PRCP: variants seen among roughly 807,000 people sequenced by gnomAD.
The protein encoded by PRCP is lysosomal Pro-X carboxypeptidase.
In PRCP, 46 loss-of-function variants were observed where a neutral mutation model predicts 54.2. That is an observed-to-expected ratio of 0.85 (90% CI 0.67 to 1.09). The LOEUF is 1.09. Among genes scored for constraint, PRCP ranks in the 50% least tolerant of loss-of-function variants. The pLI is 0.00. For missense variants in PRCP, 613 were observed against 596.8 expected (o/e 1.03, Z -0.28); for synonymous variants, 240 against 212.2 (o/e 1.13, Z -1.14).
intron 1 of PRCP, 39 bp downstream of exon 1, chr11:82,900,196 G>A (rs1341644977): frequency 1.2e-6 from 2 of 1,608,062 alleles, no homozygotes; most frequent in East Asian, 4.5e-5. Context: ...GGTTCCCGGC[G>A]GTTGGGCCTG....
In PRCP at chr11:82,823,451, G is replaced by A. The variant is rs1377956273; in HGVS notation, c.*1455C>T. ...TGAGAACTGAAGGCTCCCAAAATAA[G>A]ACAAAGATTTTCCTGTATCTCCCAG... On this transcript the variant is annotated 3_prime_UTR_variant, in exon 9 of 9. Transcript: ENST00000313010. 6.6e-6 allele frequency: 1 copy of A among 151,678 alleles called. No homozygotes were observed. The highest frequency in any genetic ancestry group is 1.5e-5 in the Non-Finnish European group (1 of 67,928). The allele number at this position is 151,678 out of a possible 1,614,324, so 9.4% of individuals were successfully genotyped here.
Position 82,836,196 on chromosome 11 carries a change from GA to G in PRCP, c.1274+2190del, listed in dbSNP as rs1171193255. 114 of 125,350 alleles carry G rather than the reference GA, an allele frequency of 9.1e-4. 2 individuals are homozygous for G. Among genetic ancestry groups the G allele is most frequent in the Middle Eastern group, 8.5e-3 (2 of 234 alleles). 7.8% of individuals were successfully genotyped at this position (125,350 alleles called of 1,614,324 possible). ...TGACAGAGTGAGACTCCATCTCGAG[GA>G]AAAAAAAAAAAAAAAAAAAGACACA... On this transcript the variant is annotated intron_variant, in intron 8 of 8. Coordinates refer to ENST00000313010, the MANE Select transcript of PRCP (RefSeq NM_005040.4).
At chr11:82,867,609 A>C (rs1215799654) in intron 1 of PRCP, among the ~76,000 whole-genome samples, 1 of 152,222 alleles carries the variant, frequency 6.6e-6, no homozygotes, top group African/African-American at 2.4e-5. Flanking sequence ...TCAAGCTCCC[A>C]AATTAGAGAT....
At chr11:82,837,851 A>G (rs934129003) in intron 8 of PRCP, among the ~76,000 whole-genome samples, 1 of 152,236 alleles carries the variant, frequency 6.6e-6, no homozygotes, top group Non-Finnish European at 1.5e-5. Context: ...AGCTGGCTTT[A>G]TCACTTAGTA....
intron 4 of PRCP, 38 bp from the exon 5 acceptor site, chr11:82,850,109 G>GAA (rs33954574): frequency 0.2 from 195,180 of 963,634 alleles, 22,497 homozygotes; most frequent in African/African-American, 0.4. Context: ...AAAAAGAAAA[G>GAA]AAAAAATATA....
chr11:82,838,703 G>T lies in PRCP; in HGVS notation c.1087-129C>A, dbSNP rs73506368. 3.1e-3 allele frequency: 2,461 copies of T among 802,750 alleles called. 39 individuals carry two copies. In the African/African-American group the frequency reaches 0.032, roughly 11 times the overall value. 49.7% of individuals were successfully genotyped at this position (802,750 alleles called of 1,614,324 possible). On this transcript the variant is annotated intron_variant, in intron 7 of 8. Coordinates refer to ENST00000313010, the MANE Select transcript of PRCP (RefSeq NM_005040.4). ...TGAACTCAGGCAAGGCAGCTTCAACGCCCTGTTCTTTACTTCTGCGCCATA... is the reference window on the plus strand; with the variant it reads ...TGAACTCAGGCAAGGCAGCTTCAACTCCCTGTTCTTTACTTCTGCGCCATA...
intron 3 of PRCP, among the ~76,000 whole-genome samples, chr11:82,851,979 A>G (rs538681387): frequency 6.6e-5 from 10 of 152,234 alleles, no homozygotes; most frequent in Admixed American, 2.6e-4. Context: ...TATCTATAAT[A>G]TCCTTCATGC....
intron 1 of PRCP, among the ~76,000 whole-genome samples, chr11:82,888,222 C>G (rs1315176714): frequency 6.6e-6 from 1 of 152,280 alleles, no homozygotes; most frequent in East Asian, 1.9e-4. Flanking sequence ...GAGAAAGCTT[C>G]TAAGAAAATC....
At chr11:82,888,770 T>G (rs1329214193) in intron 1 of PRCP, among the ~76,000 whole-genome samples, 2 of 152,190 alleles carry the variant, frequency 1.3e-5, no homozygotes, top group African/African-American at 2.4e-5. Context: ...GATCCAAGTT[T>G]CCTTAACCTT....
intron 1 of PRCP, among the ~76,000 whole-genome samples, chr11:82,870,920 G>T (rs976100457): frequency 6.6e-6 from 1 of 152,146 alleles, no homozygotes; most frequent in South Asian, 2.1e-4. Context: ...GTCCACCACA[G>T]ACAAATGCTG....
intron 1 of PRCP, among the ~76,000 whole-genome samples, chr11:82,882,644 C>T (rs1004610439): frequency 1.3e-5 from 2 of 149,996 alleles, no homozygotes; most frequent in Non-Finnish European, 3.0e-5. Context: ...TACAGGCGCC[C>T]GCCACTACGC....
Position 82,900,315 on chromosome 11 carries a change from C to CGAGG in PRCP, c.84_87dup (p.Gly30ProfsTer30), listed in dbSNP as rs768071414. ...GGGTTGGTTGGCAAGTGTAGGCTGC[C>CGAGG]GAGGGCCCTTAAGGCCGGCCGGAGG... On this transcript the variant is annotated frameshift_variant, in exon 1 of 9. Transcript: ENST00000313010. LOFTEE classifies it high-confidence loss of function. 19 of 1,614,094 alleles carry CGAGG rather than the reference C, an allele frequency of 1.2e-5. No individual in the cohort carries two copies. In the Admixed American group the frequency reaches 3.2e-4, roughly 27 times the overall value.
At chr11:82,852,820 A>G (rs1858988400) in intron 3 of PRCP, among the ~76,000 whole-genome samples, 1 of 152,120 alleles carries the variant, frequency 6.6e-6, no homozygotes, top group Admixed American at 6.5e-5. Flanking sequence ...TGCTCATTAT[A>G]TTTTTTCCAG....
chr11:82,869,355 CAA>C (rs36024787), intron 1 of PRCP, among the ~76,000 whole-genome samples: 11 of 80,452 alleles, frequency 1.4e-4, no homozygotes, highest in Non-Finnish European at 1.4e-4. Flanking sequence ...GACTCCATCT[CAA>C]AAAAAAAAAA....
chr11:82,855,393 C>A (rs1306546597), intron 2 of PRCP, among the ~76,000 whole-genome samples: 2 of 151,708 alleles, frequency 1.3e-5, no homozygotes, highest in East Asian at 3.9e-4. Context: ...CTGAGGTGGG[C>A]GGATCACAAG....
At chr11:82,898,615 C>G (rs567151063) in intron 1 of PRCP, among the ~76,000 whole-genome samples, 1 of 152,212 alleles carries the variant, frequency 6.6e-6, no homozygotes, top group Admixed American at 6.5e-5. Context: ...TCCACTTCAG[C>G]CTTCATCCAC....
upstream of PRCP, chr11:82,901,316 G>C (rs1395135379): frequency 1.5e-5 from 3 of 202,734 alleles, no homozygotes; most frequent in African/African-American, 4.7e-5. Flanking sequence ...CCCACTCCGC[G>C]CTCCACCCCC....
At chr11:82,871,841 A>C (rs1721439832) in intron 1 of PRCP, among the ~76,000 whole-genome samples, 1 of 152,224 alleles carries the variant, frequency 6.6e-6, no homozygotes, top group African/African-American at 2.4e-5. Context: ...TCCCTCTTAC[A>C]GATGGTGTGC....
At chr11:82,844,946 T>C (rs757064727) in intron 6 of PRCP, among the ~76,000 whole-genome samples, 8 of 152,006 alleles carry the variant, frequency 5.3e-5, no homozygotes, top group Admixed American at 1.3e-4. Flanking sequence ...ATCATCTTTA[T>C]ATTTTTCTAG....
Sources: gnomAD v4.1 joint callset for allele counts (sites outside exome capture counted in the v4.1 genomes callset) on GRCh38, gnomAD v4.1.1 for gene constraint, MANE v1.5 for transcripts, NCBI Gene and HGNC (gene_info 2026-07-23, HGNC 2026-07-21) for gene names.